The following GRAMD4 variants were observed in gnomAD, a reference collection of about 807,000 sequenced individuals.
The protein encoded by GRAMD4 is GRAM domain containing 4, also known as GRAM domain-containing protein 4.
Under a neutral mutation model 83.9 loss-of-function variants are expected in GRAMD4, and 25 were observed. The observed-to-expected ratio is 0.30, with a 90% CI of 0.22 to 0.42. The LOEUF is 0.42. Among genes scored for constraint, GRAMD4 ranks in the 10% least tolerant of loss-of-function variants. GRAMD4 has a pLI of 1.00. For missense variants in GRAMD4, 593 were observed against 788.7 expected, an observed-to-expected ratio of 0.75 and a Z score of 2.97; for synonymous variants, 336 against 320.9, an observed-to-expected ratio of 1.05 and a Z score of -0.50.
At chr22:46,633,899 C>T (rs976147983) in intron 2 of GRAMD4, among the ~76,000 whole-genome samples, 2 of 152,162 alleles carry the variant, frequency 1.3e-5, no homozygotes. Flanking sequence ...GGCCGCCTTC[C>T]CGGTTAGAAA....
intron 1 of GRAMD4, among the ~76,000 whole-genome samples, chr22:46,623,431 A>T (rs1360900481): frequency 6.6e-6 from 1 of 152,034 alleles, no homozygotes; most frequent in East Asian, 1.9e-4. Context: ...GCTGCCCCCC[A>T]GGCTGCAGTG....
At chr22:46,666,266 CT>C (rs1199883713) in intron 9 of GRAMD4, among the ~76,000 whole-genome samples, 1 of 152,202 alleles carries the variant, frequency 6.6e-6, no homozygotes, top group African/African-American at 2.4e-5. Flanking sequence ...GGGTGGACCC[CT>C]AGTCCCTGCA....
intron 1 of GRAMD4, among the ~76,000 whole-genome samples, chr22:46,592,313 G>T (rs937656501): frequency 2.0e-5 from 3 of 152,058 alleles, no homozygotes; most frequent in African/African-American, 4.8e-5. Flanking sequence ...TTAATTGTAC[G>T]ATTAAAAACA....
At chr22:46,587,452 G>A (rs1032025305) in intron 1 of GRAMD4, among the ~76,000 whole-genome samples, 1 of 151,944 alleles carries the variant, frequency 6.6e-6, no homozygotes, top group South Asian at 2.1e-4. Context: ...TTGGGGTCCT[G>A]TTCCGGCTTC....
At chr22:46,586,713 C>A (rs934082368) in intron 1 of GRAMD4, among the ~76,000 whole-genome samples, 1 of 152,354 alleles carries the variant, frequency 6.6e-6, no homozygotes, top group Non-Finnish European at 1.5e-5. Flanking sequence ...CCTGCTGGGA[C>A]ATGAGTTGGG....
At chr22:46,599,961 G>A (rs933494959) in intron 1 of GRAMD4, among the ~76,000 whole-genome samples, 2 of 152,184 alleles carry the variant, frequency 1.3e-5, no homozygotes, top group Admixed American at 1.3e-4. Flanking sequence ...CCTTCTCCCT[G>A]TAGGACTGTC....
At chr22:46,665,367 G>T (rs1006478596) in intron 8 of GRAMD4, among the ~76,000 whole-genome samples, 1 of 152,214 alleles carries the variant, frequency 6.6e-6, no homozygotes, top group Non-Finnish European at 1.5e-5. Flanking sequence ...GGAACCAGCC[G>T]CCCTCTTCTG....
chr22:46,668,316 C>T (rs917254170), intron 11 of GRAMD4, 149 bp downstream of exon 11: 19 of 617,254 alleles, frequency 3.1e-5, no homozygotes, highest in Middle Eastern at 8.6e-4. Flanking sequence ...CCGGTTTGTC[C>T]GCGGTCAGCT....
At chr22:46,609,351 TGG>T (rs2081396116) in intron 1 of GRAMD4, among the ~76,000 whole-genome samples, 1 of 152,214 alleles carries the variant, frequency 6.6e-6, no homozygotes, top group Non-Finnish European at 1.5e-5. Flanking sequence ...AGCCCTGTGT[TGG>T]GCTTGTATGT....
chr22:46,681,547 C>A (rs2146529106), downstream of GRAMD4, among the ~76,000 whole-genome samples: 1 of 152,326 alleles, frequency 6.6e-6, no homozygotes, highest in Non-Finnish European at 1.5e-5. Flanking sequence ...AGGTCACAAA[C>A]CTGTGGGGCA....
chr22:46,632,195 C>T (rs893803085), intron 2 of GRAMD4, among the ~76,000 whole-genome samples: 2 of 152,058 alleles, frequency 1.3e-5, no homozygotes, highest in East Asian at 1.9e-4. Flanking sequence ...GAGGGGCCCA[C>T]GAGGCTGGGC....
Position 46,622,268 on chromosome 22 carries a change from G to A in GRAMD4, c.-50+1703G>A, listed in dbSNP as rs2081586451. 6.6e-6 allele frequency among the ~76,000 whole-genome samples: 1 copy of A among 152,158 alleles called. No homozygotes were observed. The highest frequency in any genetic ancestry group is 1.5e-5 in the Non-Finnish European group (1 of 68,028). ...AGCCAAGAGTTCTGTGCGTGTCCAA[G>A]CGTGTCCCCTGCTTTCCTTGGGTGG... On this transcript the variant is annotated intron_variant, in intron 1 of 18. Coordinates refer to ENST00000406902, the MANE Select transcript of GRAMD4 (RefSeq NM_015124.5). This position sits in a 1 kb window ranked among gnomAD's most constrained non-coding sequence, Gnocchi z 4.0.
intron 1 of GRAMD4, among the ~76,000 whole-genome samples, chr22:46,626,228 C>T (rs925605167): frequency 2.0e-5 from 3 of 152,236 alleles, no homozygotes; most frequent in African/African-American, 7.2e-5. Flanking sequence ...CACGCATCTG[C>T]TGGTTTCCAG....
In GRAMD4 at chr22:46,678,888, G is replaced by A; in HGVS notation, c.*1637G>A. The stretch of plus-strand genomic sequence containing the variant: ...CACATGTCCTATCCCAGGCGGTGGA[G>A]CGGAGCCCCCGTGGCTCTGGACTGC... On this transcript the variant is annotated 3_prime_UTR_variant, in exon 19 of 19. Transcript: ENST00000406902. 2.0e-6 allele frequency: 2 copies of A among 985,920 alleles called. No individual in the cohort carries two copies. Among genetic ancestry groups the A allele is most frequent in the Non-Finnish European group, 2.4e-6 (2 of 829,996 alleles). The allele number at this position is 985,920 out of a possible 1,614,324, so 61.1% of individuals were successfully genotyped here. A position where few individuals can be genotyped will look rare whatever the true frequency, so the allele number is the denominator to read the frequency against.
chr22:46,638,677 G>A (rs1357521666), intron 3 of GRAMD4, among the ~76,000 whole-genome samples: 1 of 152,206 alleles, frequency 6.6e-6, no homozygotes, highest in Admixed American at 6.5e-5. Flanking sequence ...CCAGGCAGAT[G>A]AGTCCCAAAT....
In GRAMD4 at chr22:46,670,882, C is replaced by T. The variant is rs577024833; in HGVS notation, c.1085-1961C>T. On this transcript the variant is annotated intron_variant, in intron 13 of 18. Transcript: ENST00000406902. ...CCTCCCAAAGTGCTAGGATTCCAGGCGTGAGCCACTGCGCCCGGCCCCTGC... is the reference window on the plus strand; with the variant it reads ...CCTCCCAAAGTGCTAGGATTCCAGGTGTGAGCCACTGCGCCCGGCCCCTGC... Among the ~76,000 whole-genome samples the T allele has an allele frequency of 8.6e-5, 13 of 151,888 alleles. No homozygotes were observed. The East Asian group carries it at 1.2e-3, about 14-fold the overall frequency.
At chr22:46,670,541 G>A (rs1264276402) in intron 13 of GRAMD4, among the ~76,000 whole-genome samples, 2 of 152,198 alleles carry the variant, frequency 1.3e-5, no homozygotes, top group Admixed American at 6.5e-5. Context: ...CAGCTCCGGG[G>A]CAGGCCGCCC....
upstream of GRAMD4, among the ~76,000 whole-genome samples, chr22:46,618,321 C>T (rs571908974): frequency 3.3e-5 from 5 of 152,048 alleles, no homozygotes; most frequent in East Asian, 3.9e-4. This position sits in a 1 kb window ranked among gnomAD's most constrained non-coding sequence, Gnocchi z 5.8. Flanking sequence ...GAGGCACAAG[C>T]GCTAAACAAG....
chr22:46,589,127 G>T (rs1042060952), intron 1 of GRAMD4, among the ~76,000 whole-genome samples: 10 of 152,032 alleles, frequency 6.6e-5, no homozygotes, highest in African/African-American at 2.4e-4. Flanking sequence ...CAGCCTGCTG[G>T]TGCTCCAGGG....
Sources: allele counts gnomAD v4.1 joint callset (sites outside exome capture counted in the v4.1 genomes callset), GRCh38; gene constraint gnomAD v4.1.1; non-coding constraint Gnocchi (gnomAD v3.1); transcripts MANE v1.5; gene names NCBI Gene and HGNC (gene_info 2026-07-23, HGNC 2026-07-21).